Variants in CTNND2 observed in about 807,000 individuals in gnomAD.
The protein encoded by CTNND2 is catenin delta-2.
A neutral mutation model predicts 144.4 loss-of-function variants in CTNND2; 22 were observed. The ratio of observed to expected loss-of-function variants is 0.15; its 90% CI spans 0.11 to 0.22. The LOEUF is 0.22. Ranked by LOEUF, CTNND2 falls within the 10% of genes least tolerant of loss-of-function variation. The probability of loss-of-function intolerance (pLI) is 1.00; values close to 1 mark genes in which losing one functional copy is unlikely to be tolerated. For synonymous variants in CTNND2, 751 were observed against 695.6 expected, an observed-to-expected ratio of 1.08 and a Z score of -1.25; for missense variants, 1,353 against 1,618.8, an observed-to-expected ratio of 0.84 and a Z score of 2.82.
At chr5:11,577,771 T>C (rs1245708423) in intron 2 of CTNND2, among the ~76,000 whole-genome samples, 3 of 152,208 alleles carry the variant, frequency 2.0e-5, no homozygotes, top group Admixed American at 6.5e-5. Flanking sequence ...CAACATCTCA[T>C]CTATTTCCAT....
intron 2 of CTNND2, among the ~76,000 whole-genome samples, chr5:11,612,014 A>G (rs1581606169): frequency 6.6e-6 from 1 of 152,136 alleles, no homozygotes; most frequent in Admixed American, 6.6e-5. Context: ...AAAGCAAAAC[A>G]TATCATATTC....
chr5:11,856,991 G>A (rs761355636), intron 1 of CTNND2, among the ~76,000 whole-genome samples: 2 of 152,128 alleles, frequency 1.3e-5, no homozygotes, highest in Non-Finnish European at 2.9e-5. Flanking sequence ...AGTGCATGCA[G>A]ACATATGAAT....
chr5:11,717,265 T>C (rs1786405593), intron 2 of CTNND2, among the ~76,000 whole-genome samples: 2 of 152,128 alleles, frequency 1.3e-5, no homozygotes, highest in Admixed American at 1.3e-4. Flanking sequence ...ATTAGTTTGT[T>C]CTCACGCTGC....
rs144606675 is a variant in CTNND2, at chr5:11,644,986, G to A, written c.175-79930C>T. Among the ~76,000 whole-genome samples, 929 of 152,058 alleles carry A rather than the reference G, an allele frequency of 6.1e-3. 5 individuals are homozygous for A. Among genetic ancestry groups the A allele is most frequent in the Non-Finnish European group, 7.7e-3 (525 of 67,982 alleles). On this transcript the variant is annotated intron_variant, in intron 2 of 21. Transcript: ENST00000304623. ...TTCACAGTATTTTTTTGTAAGAGACGGGGTCTCACTCTGTCACCCAGGCTA... is the reference window on the plus strand; with the variant it reads ...TTCACAGTATTTTTTTGTAAGAGACAGGGTCTCACTCTGTCACCCAGGCTA...
intron 15 of CTNND2, among the ~76,000 whole-genome samples, chr5:11,087,739 G>T (rs1457284695): frequency 6.6e-6 from 1 of 152,130 alleles, no homozygotes; most frequent in Non-Finnish European, 1.5e-5. Context: ...GGCAACTATT[G>T]CATGTTTAGT....
At chr5:11,446,558 AG>A (rs1177240769) in intron 3 of CTNND2, among the ~76,000 whole-genome samples, 2 of 152,070 alleles carry the variant, frequency 1.3e-5, no homozygotes, top group African/African-American at 2.4e-5. Context: ...GAGGTGACAA[AG>A]GGGTCTCAGA....
At chr5:11,365,778 G>A (rs548204668) in intron 7 of CTNND2, among the ~76,000 whole-genome samples, 37 of 152,300 alleles carry the variant, frequency 2.4e-4, no homozygotes, top group African/African-American at 3.1e-4. Context: ...TTGATTGAGA[G>A]CCAATATTTT....
At chr5:11,386,841 G>C (rs1244059799) in intron 6 of CTNND2, among the ~76,000 whole-genome samples, 1 of 152,096 alleles carries the variant, frequency 6.6e-6, no homozygotes, top group African/African-American at 2.4e-5. Context: ...AGGCTATGAG[G>C]GTCTTATATG....
chr5:11,607,614 T>C (rs1780114916), intron 2 of CTNND2, among the ~76,000 whole-genome samples: 1 of 152,186 alleles, frequency 6.6e-6, no homozygotes, highest in African/African-American at 2.4e-5. Flanking sequence ...TGAATATTAA[T>C]CCTCCATTCA....
chr5:11,412,144 A>G, intron 3 of CTNND2, 75 bp from the exon 4 acceptor site: 2 of 1,162,740 alleles, frequency 1.7e-6, no homozygotes, highest in Non-Finnish European at 2.6e-6. Flanking sequence ...CTAAGACACA[A>G]AGGCATATTA....
At chr5:11,261,706 T>C (rs1744876307) in intron 9 of CTNND2, among the ~76,000 whole-genome samples, 1 of 152,236 alleles carries the variant, frequency 6.6e-6, no homozygotes, top group African/African-American at 2.4e-5. Context: ...CCTTGGTCTT[T>C]CTAACCTAAG....
intron 21 of CTNND2, among the ~76,000 whole-genome samples, chr5:10,979,612 A>C (rs1296233537): frequency 6.6e-6 from 1 of 152,230 alleles, no homozygotes; most frequent in Non-Finnish European, 1.5e-5. Flanking sequence ...AGAGCCAGAG[A>C]AAATGAGCCT....
chr5:11,352,002 C>T (rs942545773), intron 8 of CTNND2, among the ~76,000 whole-genome samples: 1 of 152,138 alleles, frequency 6.6e-6, no homozygotes, highest in Admixed American at 6.5e-5. Context: ...AGAGTGTCAT[C>T]ATTAATAACT....
At chr5:11,036,276 C>T (rs970151536) in intron 16 of CTNND2, among the ~76,000 whole-genome samples, 7 of 152,012 alleles carry the variant, frequency 4.6e-5, no homozygotes, top group African/African-American at 1.2e-4. Flanking sequence ...CTTCTTTAAC[C>T]GTTTTATTAT....
intron 16 of CTNND2, among the ~76,000 whole-genome samples, chr5:11,050,886 T>C (rs1297347689): frequency 1.3e-5 from 2 of 152,206 alleles, no homozygotes; most frequent in Non-Finnish European, 2.9e-5. Context: ...CCACTTCTGG[T>C]TGGCTCATAA....
Position 11,384,626 on chromosome 5 carries a change from C to T in CTNND2, c.1177+39G>A. The T allele has an allele frequency of 3.2e-6, 5 of 1,555,292 alleles. No homozygotes were observed. The highest frequency in any genetic ancestry group is 4.3e-6 in the Non-Finnish European group (5 of 1,155,738). ...CTGCTGCTTCCGCGTCCCCGCCACG[C>T]GCCCAGGTGAGTCGCGCCAGGTGGC... On this transcript the variant is annotated intron_variant, in intron 7 of 21. Transcript: ENST00000304623. The surrounding 1 kb of genome is among the most constrained non-coding windows in gnomAD (Gnocchi z 5.2).
chr5:11,490,567 C>T (rs189688748), intron 3 of CTNND2, among the ~76,000 whole-genome samples: 77 of 152,206 alleles, frequency 5.1e-4, no homozygotes, highest in Admixed American at 1.4e-3. Context: ...ATTATTGTGC[C>T]TGACTACAAA....
chr5:11,173,502 G>T (rs746961833), intron 11 of CTNND2, among the ~76,000 whole-genome samples: 67 of 152,324 alleles, frequency 4.4e-4, no homozygotes, highest in Middle Eastern at 3.4e-3. Context: ...ACCTTGATGA[G>T]AGCTGATGTG....
chr5:11,584,381 A>G (rs1270421130), intron 2 of CTNND2, among the ~76,000 whole-genome samples: 1 of 146,080 alleles, frequency 6.8e-6, no homozygotes, highest in African/African-American at 2.5e-5. Context: ...ACCAACACTT[A>G]AAATTAGTTT....
Sources: gnomAD v4.1 joint callset for allele counts (sites outside exome capture counted in the v4.1 genomes callset) on GRCh38, gnomAD v4.1.1 for gene constraint, Gnocchi (gnomAD v3.1) non-coding constraint, MANE v1.5 for transcripts, NCBI Gene and HGNC (gene_info 2026-07-23, HGNC 2026-07-21) for gene names.